ST3GAL3: variants seen among roughly 807,000 people sequenced by gnomAD.
The protein encoded by ST3GAL3 is CMP-N-acetylneuraminate-beta-1,4-galactoside alpha-2,3-sialyltransferase.
In ST3GAL3, 21 loss-of-function variants were observed where a neutral mutation model predicts 50.1. That is an observed-to-expected ratio of 0.42 (90% CI 0.30 to 0.60). ST3GAL3 has a LOEUF of 0.60. Among genes scored for constraint, ST3GAL3 ranks in the 20% least tolerant of loss-of-function variants. The pLI, the probability that ST3GAL3 is intolerant of heterozygous loss-of-function variation, is 0.19. For missense variants in ST3GAL3, 353 were observed against 489.4 expected (o/e 0.72, Z 2.63); for synonymous variants, 183 against 190.0 (o/e 0.96, Z 0.30).
At chr1:43,712,472 C>CTAGGTGGTG (rs1665266106) in intron 1 of ST3GAL3, among the ~76,000 whole-genome samples, 1 of 152,164 alleles carries the variant, frequency 6.6e-6, no homozygotes, top group Non-Finnish European at 1.5e-5. Flanking sequence ...AGGCTCTGTG[C>CTAGGTGGTG]TAGGTGGTGG....
intron 5 of ST3GAL3, chr1:43,851,060 C>T: frequency 2.3e-6 from 2 of 860,182 alleles, no homozygotes; most frequent in South Asian, 2.6e-5. Flanking sequence ...GCCATGTCCA[C>T]CATGAGATAC....
chr1:43,714,878 C>T (rs1666595636), intron 1 of ST3GAL3, among the ~76,000 whole-genome samples: 1 of 152,120 alleles, frequency 6.6e-6, no homozygotes, highest in African/African-American at 2.4e-5. Flanking sequence ...TTTATATGAT[C>T]ATCCTGGCTT....
At chr1:43,869,719 A>C (rs2072185875) in intron 5 of ST3GAL3, among the ~76,000 whole-genome samples, 1 of 152,230 alleles carries the variant, frequency 6.6e-6, no homozygotes, top group Non-Finnish European at 1.5e-5. Flanking sequence ...GGTAGCTGTC[A>C]TTCTGGAGTA....
At chr1:43,775,999 C>G (rs1289487926) in intron 2 of ST3GAL3, among the ~76,000 whole-genome samples, 1 of 152,134 alleles carries the variant, frequency 6.6e-6, no homozygotes, top group Non-Finnish European at 1.5e-5. Flanking sequence ...GCCTTCTATT[C>G]CTTTTTCTTC....
intron 3 of ST3GAL3, among the ~76,000 whole-genome samples, chr1:43,806,275 G>A (rs781696370): frequency 9.9e-5 from 15 of 152,176 alleles, no homozygotes; most frequent in Non-Finnish European, 1.9e-4. Context: ...TGAAGGATGA[G>A]CAAGATGAGT....
chr1:43,876,912 G>T (rs1289532785), intron 5 of ST3GAL3, among the ~76,000 whole-genome samples: 1 of 152,190 alleles, frequency 6.6e-6, no homozygotes, highest in East Asian at 1.9e-4. Context: ...TAAAGACAAG[G>T]CATGGTGATA....
At chr1:43,873,241 G>A (rs1225218973) in intron 5 of ST3GAL3, among the ~76,000 whole-genome samples, 5 of 152,166 alleles carry the variant, frequency 3.3e-5, no homozygotes, top group East Asian at 3.9e-4. Flanking sequence ...GTAAGAAAGC[G>A]TCAAGTTCAG....
chr1:43,919,975 C>T (rs1571508851), intron 9 of ST3GAL3: 1 of 339,118 alleles, frequency 2.9e-6, no homozygotes, highest in East Asian at 7.6e-5. Context: ...GAGAGAGCAG[C>T]AAGGGAAGTG....
intron 2 of ST3GAL3, among the ~76,000 whole-genome samples, chr1:43,775,787 A>T (rs1697001095): frequency 6.6e-6 from 1 of 151,944 alleles, no homozygotes; most frequent in Non-Finnish European, 1.5e-5. Context: ...ACAAACCAGG[A>T]GTTTTTTTTT....
chr1:43,778,231 A>G, intron 2 of ST3GAL3, among the ~76,000 whole-genome samples: 1 of 152,196 alleles, frequency 6.6e-6, no homozygotes. Context: ...GAACCATGAG[A>G]ACACATGGAC....
At chr1:43,851,375 G>A in intron 5 of ST3GAL3, 1 of 1,594,380 alleles carries the variant, frequency 6.3e-7, no homozygotes, top group Non-Finnish European at 8.6e-7. Flanking sequence ...AGTTTGCAGG[G>A]GAGCCTGAGC....
intron 4 of ST3GAL3, among the ~76,000 whole-genome samples, chr1:43,826,767 A>G (rs1452059127): frequency 6.6e-6 from 1 of 152,236 alleles, no homozygotes; most frequent in Admixed American, 6.5e-5. Context: ...GATTTATTCC[A>G]GGTATGCAAG....
chr1:43,762,190 G>C (rs953639130), intron 2 of ST3GAL3, among the ~76,000 whole-genome samples: 26 of 150,316 alleles, frequency 1.7e-4, no homozygotes, highest in Non-Finnish European at 5.9e-5. Context: ...AGGATCGCTT[G>C]AACCCAGGAG....
chr1:43,851,931 C>T (rs2067399233), intron 5 of ST3GAL3, among the ~76,000 whole-genome samples: 1 of 152,160 alleles, frequency 6.6e-6, no homozygotes, highest in South Asian at 2.1e-4. Flanking sequence ...CTAGGTGCAC[C>T]CCTTGCACCA....
At chr1:43,768,659 G>A (rs2154130034) in intron 2 of ST3GAL3, among the ~76,000 whole-genome samples, 1 of 152,204 alleles carries the variant, frequency 6.6e-6, no homozygotes, top group East Asian at 1.9e-4. Flanking sequence ...TGTGAAAATA[G>A]ATCCATTTCT....
At chr1:43,742,751 A>G (rs1681527629) in intron 2 of ST3GAL3, among the ~76,000 whole-genome samples, 1 of 152,222 alleles carries the variant, frequency 6.6e-6, no homozygotes, top group South Asian at 2.1e-4. Flanking sequence ...ATAAAAAAGA[A>G]CCAAATGCAA....
chr1:43,894,204 G>C (rs2077037684), intron 5 of ST3GAL3, 179 bp from the exon 6 acceptor site: 3 of 679,710 alleles, frequency 4.4e-6, no homozygotes, highest in Admixed American at 2.1e-5. Context: ...AGGCTCCACT[G>C]AACAAGATCT....
In ST3GAL3 at chr1:43,737,187, G is replaced by C. The variant is rs976605106; in HGVS notation, c.118+807G>C. 6.6e-6 allele frequency: 1 copy of C among 152,550 alleles called. No individual in the cohort carries two copies. The highest frequency in any genetic ancestry group is 1.5e-5 in the Non-Finnish European group (1 of 68,322). 9.4% of individuals were successfully genotyped at this position (152,550 alleles called of 1,614,324 possible). The stretch of plus-strand genomic sequence containing the variant: ...TTATCTGAGCTTGGTGTGGGAAATA[G>C]TATAAAATCAGAACAGAGTGGCCTG... On this transcript the variant is annotated intron_variant, in intron 2 of 11. Coordinates refer to ENST00000347631, the MANE Select transcript of ST3GAL3 (RefSeq NM_006279.5). The surrounding 1 kb of genome is among the most constrained non-coding windows in gnomAD (Gnocchi z 4.0).
intron 4 of ST3GAL3, among the ~76,000 whole-genome samples, chr1:43,825,748 C>T (rs531679507): frequency 6.6e-5 from 10 of 151,858 alleles, no homozygotes; most frequent in Admixed American, 2.6e-4. Context: ...TGTTTTTGGC[C>T]GCAGGAAGGA....
Sources: allele counts gnomAD v4.1 joint callset (sites outside exome capture counted in the v4.1 genomes callset), GRCh38; gene constraint gnomAD v4.1.1; non-coding constraint Gnocchi (gnomAD v3.1); transcripts MANE v1.5; gene names NCBI Gene and HGNC (gene_info 2026-07-23, HGNC 2026-07-21).